FOXO1: variants seen among roughly 807,000 people sequenced by gnomAD.
The protein encoded by FOXO1 is forkhead box O1, also known as forkhead box protein O1.
A neutral mutation model predicts 44.1 loss-of-function variants in FOXO1; 6 were observed. That is an observed-to-expected ratio of 0.14 (90% CI 0.07 to 0.27). The LOEUF (loss-of-function observed/expected upper bound fraction) is 0.27. Among genes scored for constraint, FOXO1 ranks in the 10% least tolerant of loss-of-function variants. The pLI, the probability that FOXO1 is intolerant of heterozygous loss-of-function variation, is 1.00. For synonymous variants in FOXO1, 380 were observed against 362.7 expected (o/e 1.05, Z -0.54); for missense variants, 737 against 888.8 (o/e 0.83, Z 2.17).
chr13:40,661,958 G>C (rs920847807), intron 1 of FOXO1, among the ~76,000 whole-genome samples: 2 of 151,964 alleles, frequency 1.3e-5, no homozygotes, highest in African/African-American at 4.8e-5. Context: ...CAGATCACGA[G>C]GTCAGGAGTT....
In FOXO1 at chr13:40,666,067, G is replaced by A. The variant is rs1489258358; in HGVS notation, c.146C>T (p.Ala49Val). The A allele has an allele frequency of 1.5e-6, 2 of 1,324,500 alleles. No homozygotes were observed. Among genetic ancestry groups the A allele is most frequent in the South Asian group, 2.0e-5 (1 of 50,390 alleles). 82.0% of individuals were successfully genotyped at this position (1,324,500 alleles called of 1,614,324 possible). A position where few individuals can be genotyped will look rare whatever the true frequency, so the allele number is the denominator to read the frequency against. The change falls in exon 1 of 3, where the codon GCT becomes GTT. Residue 49 changes from alanine (A) to valine (V), a missense_variant. Ala to Val is a moderately conservative substitution (Grantham distance 64). Transcript: ENST00000379561. ...TSSPAPSGSAAANPDAAAGLP... is the reference protein window; with the variant it reads ...TSSPAPSGSAVANPDAAAGLP... ...GCCCGCCGCGGCGTCGGGGTTGGCA[G>A]CCGCGCTGCCCGACGGCGCCGGGCT...
chr13:40,596,973 C>G (rs559642990), intron 1 of FOXO1, among the ~76,000 whole-genome samples: 1 of 152,184 alleles, frequency 6.6e-6, no homozygotes, highest in Non-Finnish European at 1.5e-5. Context: ...GGGAGGAAGA[C>G]AGCGCCTAAA....
Position 40,557,985 on chromosome 13 carries a change from A to G in FOXO1, c.*1064T>C, listed in dbSNP as rs1196220830. ...CCTAAATAAGAAACGCAAAGTGTCC[A>G]TAACTATACATCACTTTCCTGCCCA... On this transcript the variant is annotated 3_prime_UTR_variant, in exon 3 of 3. Coordinates refer to ENST00000379561, the MANE Select transcript of FOXO1 (RefSeq NM_002015.4). 1 of 152,608 alleles carries G rather than the reference A, an allele frequency of 6.6e-6. No homozygotes were observed. The highest frequency in any genetic ancestry group is 1.9e-4 in the East Asian group (1 of 5,198). 9.5% of individuals were successfully genotyped at this position (152,608 alleles called of 1,614,324 possible).
chr13:40,628,675 T>G (rs531024254), intron 1 of FOXO1, among the ~76,000 whole-genome samples: 10 of 152,332 alleles, frequency 6.6e-5, no homozygotes, highest in African/African-American at 2.4e-4. Flanking sequence ...AATGGGGACA[T>G]GGCCAACCTA....
At chr13:40,610,876 G>A in intron 1 of FOXO1, 1 of 262,754 alleles carries the variant, frequency 3.8e-6, no homozygotes, top group South Asian at 3.3e-5. Context: ...ATAAACTGCT[G>A]CTTATTTAAA....
At chr13:40,640,029 G>A (rs1194470239) in intron 1 of FOXO1, among the ~76,000 whole-genome samples, 2 of 152,178 alleles carry the variant, frequency 1.3e-5, no homozygotes, top group Non-Finnish European at 2.9e-5. Context: ...GAACGGATTT[G>A]TGACAATACT....
At chr13:40,649,562 G>A (rs1012630729) in intron 1 of FOXO1, among the ~76,000 whole-genome samples, 3 of 152,126 alleles carry the variant, frequency 2.0e-5, no homozygotes, top group African/African-American at 7.2e-5. Flanking sequence ...TCATCGCAAA[G>A]GAAATTATTA....
At chr13:40,606,120 T>A (rs866149936) in intron 1 of FOXO1, among the ~76,000 whole-genome samples, 1 of 152,140 alleles carries the variant, frequency 6.6e-6, no homozygotes, top group African/African-American at 2.4e-5. Flanking sequence ...AAGCTCAAAA[T>A]AACCTCCACC....
chr13:40,644,169 T>C (rs1877441056), intron 1 of FOXO1, among the ~76,000 whole-genome samples: 1 of 152,222 alleles, frequency 6.6e-6, no homozygotes, highest in South Asian at 2.1e-4. Context: ...CAGCACCTTT[T>C]GTCCAGTGAT....
At chr13:40,607,973 C>T (rs1227418168) in intron 1 of FOXO1, among the ~76,000 whole-genome samples, 5 of 152,256 alleles carry the variant, frequency 3.3e-5, no homozygotes, top group South Asian at 4.1e-4. Context: ...CACGTACCCT[C>T]TTTCTTGTCC....
chr13:40,560,407 G>A lies in FOXO1; in HGVS notation c.1084C>T (p.Leu362=). The change falls in exon 2 of 3, where the codon CTG becomes TTG. Residue 362 remains leucine (L), a synonymous_variant. Coordinates refer to ENST00000379561, the MANE Select transcript of FOXO1 (RefSeq NM_002015.4). This position sits in a 1 kb window ranked among gnomAD's most constrained non-coding sequence, Gnocchi z 5.1. ...TTTTCGGGATTGCTTATCTCAGACA[G>A]ACTGGGTAAAGTAGAGGCCATCTTT... is the stretch of plus-strand genomic sequence containing the variant. The part of the protein sequence containing the change: ...AAKMASTLPS[L]SEISNPENME... 1.2e-6 allele frequency: 2 copies of A among 1,614,184 alleles called. No individual in the cohort carries two copies. Among genetic ancestry groups the A allele is most frequent in the Non-Finnish European group, 1.7e-6 (2 of 1,180,040 alleles).
At chr13:40,606,604 C>T (rs1175248583) in intron 1 of FOXO1, among the ~76,000 whole-genome samples, 1 of 152,174 alleles carries the variant, frequency 6.6e-6, no homozygotes, top group African/African-American at 2.4e-5. Flanking sequence ...TAAGCCACCG[C>T]GCCCGGCCAT....
chr13:40,561,480 C>T (rs1461930135), intron 1 of FOXO1, among the ~76,000 whole-genome samples: 2 of 151,664 alleles, frequency 1.3e-5, no homozygotes, highest in African/African-American at 4.9e-5. Context: ...GTTTTAATAA[C>T]CGCTTAAATT....
chr13:40,660,836 G>C (rs137962002), intron 1 of FOXO1, among the ~76,000 whole-genome samples: 1 of 152,228 alleles, frequency 6.6e-6, no homozygotes, highest in African/African-American at 2.4e-5. Flanking sequence ...CAACTATTCG[G>C]GAGGCTGAGG....
chr13:40,637,443 C>CAAAAAAAA (rs894457880), intron 1 of FOXO1, among the ~76,000 whole-genome samples: 3 of 52,586 alleles, frequency 5.7e-5, no homozygotes, highest in Admixed American at 2.5e-4. Flanking sequence ...GACTCCATCA[C>CAAAAAAAA]AAAAAAAAAA....
At chr13:40,585,973 A>C (rs1875148849) in intron 1 of FOXO1, among the ~76,000 whole-genome samples, 1 of 152,148 alleles carries the variant, frequency 6.6e-6, no homozygotes, top group Admixed American at 6.5e-5. Flanking sequence ...CAAGTGACTG[A>C]CCTGTGAACT....
At chr13:40,605,980 A>G (rs1031543923) in intron 1 of FOXO1, among the ~76,000 whole-genome samples, 6 of 152,058 alleles carry the variant, frequency 3.9e-5, no homozygotes, top group Non-Finnish European at 7.4e-5. Context: ...CTAATCTGGG[A>G]TGACAAAAAA....
chr13:40,562,161 TACCAATG>T (rs1258598795), intron 1 of FOXO1, among the ~76,000 whole-genome samples: 1 of 152,130 alleles, frequency 6.6e-6, no homozygotes, highest in African/African-American at 2.4e-5. Context: ...CCTCCAGTTC[TACCAATG>T]ACCAGTAGTA....
At chr13:40,599,230 A>G (rs2137876826) in intron 1 of FOXO1, among the ~76,000 whole-genome samples, 1 of 152,028 alleles carries the variant, frequency 6.6e-6, no homozygotes, top group East Asian at 1.9e-4. Context: ...AAAAAAAAAA[A>G]GCTTCCAAGG....
Sources: gnomAD v4.1 joint callset for allele counts (sites outside exome capture counted in the v4.1 genomes callset) on GRCh38, gnomAD v4.1.1 for gene constraint, Gnocchi (gnomAD v3.1) non-coding constraint, MANE v1.5 for transcripts, NCBI Gene and HGNC (gene_info 2026-07-23, HGNC 2026-07-21) for gene names.